FAM98A: variants seen among roughly 807,000 people sequenced by gnomAD.
FAM98A encodes protein FAM98A.
In FAM98A, 25 loss-of-function variants were observed where a neutral mutation model predicts 62.9. The observed-to-expected ratio is 0.40, with a 90% CI of 0.29 to 0.56. The LOEUF (loss-of-function observed/expected upper bound fraction) is 0.56. Among genes scored for constraint, FAM98A ranks in the 20% least tolerant of loss-of-function variants. The pLI, the probability that FAM98A is intolerant of heterozygous loss-of-function variation, is 0.51. For synonymous variants in FAM98A, 252 were observed against 228.6 expected, an observed-to-expected ratio of 1.10 and a Z score of -0.92; for missense variants, 653 against 640.7, an observed-to-expected ratio of 1.02 and a Z score of -0.21.
At chr2:33,597,273 C>A (rs752383452) in intron 1 of FAM98A, among the ~76,000 whole-genome samples, 8 of 152,044 alleles carry the variant, frequency 5.3e-5, no homozygotes, top group Non-Finnish European at 1.2e-4. Context: ...GTGGGAGGAT[C>A]GCTTGAGGCT....
rs1009056743 is a variant in FAM98A, at chr2:33,593,714, C to G, written c.203-1500G>C. ...GCCTACATTATGAATATTTTGCAAACTGTGATCTGTGAGCCCTTGAGTTCC... is the reference window on the plus strand; with the variant it reads ...GCCTACATTATGAATATTTTGCAAAGTGTGATCTGTGAGCCCTTGAGTTCC... On this transcript the variant is annotated intron_variant, in intron 2 of 7. Coordinates refer to ENST00000238823, the MANE Select transcript of FAM98A (RefSeq NM_015475.5). 2.0e-5 allele frequency among the ~76,000 whole-genome samples: 3 copies of G among 152,136 alleles called. No individual in the cohort carries two copies. In the East Asian group the frequency reaches 5.8e-4, roughly 29 times the overall value.
At chr2:33,586,254 CAAGT>C (rs1158320989) in intron 6 of FAM98A, among the ~76,000 whole-genome samples, 2 of 152,260 alleles carry the variant, frequency 1.3e-5, no homozygotes, top group East Asian at 1.9e-4. Flanking sequence ...TTAAAGTAAA[CAAGT>C]AATTTGAAAT....
In FAM98A at chr2:33,584,632, A is replaced by T; in HGVS notation, c.*144T>A. ...CAATAAAAAAATCTAACAGAATTGA[A>T]TGAAGACCTACAAATGCTTATGCCA... On this transcript the variant is annotated 3_prime_UTR_variant, in exon 8 of 8. Transcript: ENST00000238823. The T allele has an allele frequency of 1.4e-6, 1 of 698,444 alleles. No homozygotes were observed. Among genetic ancestry groups the T allele is most frequent in the Non-Finnish European group, 2.5e-6 (1 of 406,956 alleles). 43.3% of individuals were successfully genotyped at this position (698,444 alleles called of 1,614,324 possible). A position where few individuals can be genotyped will look rare whatever the true frequency, so the allele number is the denominator to read the frequency against.
intron 5 of FAM98A, 85 bp downstream of exon 5, chr2:33,587,154 TA>T: frequency 1.2e-6 from 1 of 862,352 alleles, no homozygotes; most frequent in Non-Finnish European, 1.9e-6. Context: ...AAACATAATT[TA>T]AAAAGCACAA....
Position 33,585,278 on chromosome 2 carries a change from C to G in FAM98A, c.1055G>C (p.Gly352Ala). Residue 352 changes from glycine (G) to alanine (A), a missense_variant, in exon 8 of 8, where the codon GGA (glycine) becomes GCA (alanine). By Grantham distance (60) the Gly-to-Ala change is moderately conservative. Transcript: ENST00000238823. ...TCTCCCGCCTCCTTGTTCATGACCT[C>G]CTCGTCCTCCGTATGAGGAATGTTC... is the stretch of plus-strand genomic sequence containing the variant. The part of the protein sequence containing the change: ...GYEHSSYGGR[G>A]GHEQGGGRGG... 6.2e-7 allele frequency: 1 copy of G among 1,614,058 alleles called. No individual in the cohort carries two copies.
rs1159048400 is a variant in FAM98A, at chr2:33,584,743, T to C, written c.*33A>G. 1 of 1,535,238 alleles carries C rather than the reference T, an allele frequency of 6.5e-7. No homozygotes were observed. The highest frequency in any genetic ancestry group is 1.2e-5 in the South Asian group (1 of 81,616). On this transcript the variant is annotated 3_prime_UTR_variant, in exon 8 of 8. Coordinates refer to ENST00000238823, the MANE Select transcript of FAM98A (RefSeq NM_015475.5). ...GATTCTGAAACTAAGTTTCTATTAC[T>C]TGAGCTCTAGCAAAATGTAAGGTTC...
chr2:33,595,524 A>G lies in FAM98A; in HGVS notation c.167T>C (p.Leu56Pro). 1 of 1,608,618 alleles carries G rather than the reference A, an allele frequency of 6.2e-7. No homozygotes were observed. Residue 56 changes from leucine to proline, a missense_variant, in exon 2 of 8, where the codon CTC (leucine) becomes CCC (proline). By Grantham distance (98) the Leu-to-Pro change is moderately conservative. Transcript: ENST00000238823. Reference protein sequence around the residue: ...CAWLVSELRVLCKLEENVQAT... With the variant: ...CAWLVSELRVPCKLEENVQAT... ...TTGCACGTTTTCCTCTAGTTTACAG[A>G]GCACTCTTAATTCAGACACCAGCCA...
At chr2:33,593,019 T>C (rs1677709160) in intron 2 of FAM98A, among the ~76,000 whole-genome samples, 1 of 152,232 alleles carries the variant, frequency 6.6e-6, no homozygotes, top group Non-Finnish European at 1.5e-5. Context: ...GCCTTGCTCC[T>C]TGATGAAACC....
chr2:33,592,942 C>A (rs186078647), intron 2 of FAM98A, among the ~76,000 whole-genome samples: 2 of 152,290 alleles, frequency 1.3e-5, no homozygotes, highest in African/African-American at 4.8e-5. Context: ...AAGTTATTCC[C>A]TGTGACAGAT....
chr2:33,585,486 C>G, intron 7 of FAM98A, 42 bp from the exon 8 acceptor site: 1 of 1,613,110 alleles, frequency 6.2e-7, no homozygotes, highest in Non-Finnish European at 8.5e-7. Flanking sequence ...ATTTTATGAA[C>G]AGAAATAAAT....
intron 3 of FAM98A, among the ~76,000 whole-genome samples, chr2:33,590,989 T>C (rs1398250588): frequency 2.0e-5 from 3 of 152,182 alleles, no homozygotes; most frequent in East Asian, 3.8e-4. Context: ...CAGCTGAGTA[T>C]ACTGCTATTG....
intron 6 of FAM98A, among the ~76,000 whole-genome samples, chr2:33,586,350 T>C (rs1330689059): frequency 6.6e-6 from 1 of 152,214 alleles, no homozygotes; most frequent in East Asian, 1.9e-4. Flanking sequence ...AACTGTAAAA[T>C]TCAGATTTGT....
intron 2 of FAM98A, 101 bp downstream of exon 2, chr2:33,595,388 A>G: frequency 1.9e-6 from 2 of 1,056,450 alleles, no homozygotes; most frequent in Non-Finnish European, 2.6e-6. Flanking sequence ...TTTTACATTT[A>G]CAAAAACTTG....
At chr2:33,592,603 C>A (rs1438148370) in intron 2 of FAM98A, among the ~76,000 whole-genome samples, 2 of 152,204 alleles carry the variant, frequency 1.3e-5, no homozygotes, top group African/African-American at 4.8e-5. Flanking sequence ...CTCCTGGCCT[C>A]AAGTTATCTT....
intron 2 of FAM98A, 64 bp downstream of exon 2, chr2:33,595,425 G>C: frequency 7.4e-7 from 1 of 1,355,462 alleles, no homozygotes; most frequent in Non-Finnish European, 1.0e-6. Context: ...TATTGATAAT[G>C]TTCAGTTGAC....
Position 33,595,575 on chromosome 2 carries a change from G to A in FAM98A, c.116C>T (p.Ser39Phe). Residue 39 changes from serine (S) to phenylalanine (F), a missense_variant, in exon 2 of 8, where the codon TCC becomes TTC. Ser to Phe is a radical substitution (Grantham distance 155, BLOSUM62 -2). Coordinates refer to ENST00000238823, the MANE Select transcript of FAM98A (RefSeq NM_015475.5). ...LSQAVSAGAS[S>F]PEFTKLCAWL... Reference sequence around the variant, plus strand: ...AGCACAGAGTTTGGTAAACTCGGGGGAACTGGCTCCAGCAGAGACTGCCTG... The same window carrying A: ...AGCACAGAGTTTGGTAAACTCGGGGAAACTGGCTCCAGCAGAGACTGCCTG... 1 of 1,608,800 alleles carries A rather than the reference G, an allele frequency of 6.2e-7. No individual in the cohort carries two copies. The highest frequency in any genetic ancestry group is 8.5e-7 in the Non-Finnish European group (1 of 1,178,140).
intron 2 of FAM98A, among the ~76,000 whole-genome samples, chr2:33,593,329 G>A (rs1053901326): frequency 1.3e-5 from 2 of 152,138 alleles, no homozygotes; most frequent in Admixed American, 6.5e-5. Flanking sequence ...GCTTGAACCT[G>A]GGAGGCAGAG....
At chr2:33,592,006 A>G in intron 3 of FAM98A, 74 bp downstream of exon 3, 1 of 1,239,958 alleles carries the variant, frequency 8.1e-7, no homozygotes, top group Non-Finnish European at 1.1e-6. Flanking sequence ...CAAACAAAAA[A>G]CCATGGTCAG....
chr2:33,593,377 C>A (rs964378094), intron 2 of FAM98A, among the ~76,000 whole-genome samples: 2 of 152,210 alleles, frequency 1.3e-5, no homozygotes, highest in Admixed American at 1.3e-4. Context: ...GCACTTCAGC[C>A]TGGGTGACAG....
Sources: allele counts gnomAD v4.1 joint callset (sites outside exome capture counted in the v4.1 genomes callset), GRCh38; gene constraint gnomAD v4.1.1; transcripts MANE v1.5; gene names NCBI Gene and HGNC (gene_info 2026-07-23, HGNC 2026-07-21).